The following TMTC2 variants were observed in gnomAD, a reference collection of about 807,000 sequenced individuals.
TMTC2 encodes transmembrane O-mannosyltransferase targeting cadherins 2.
In TMTC2, 43 loss-of-function variants were observed where a neutral mutation model predicts 82.4. The ratio of observed to expected loss-of-function variants is 0.52; its 90% CI spans 0.41 to 0.67. The LOEUF (loss-of-function observed/expected upper bound fraction) is 0.67, where lower values mean the gene tolerates loss of function less well. Among genes scored for constraint, TMTC2 ranks in the 30% least tolerant of loss-of-function variants. The pLI is 0.00. For missense variants in TMTC2, 919 were observed against 1,012.4 expected, an observed-to-expected ratio of 0.91 and a Z score of 1.25; for synonymous variants, 408 against 381.9, an observed-to-expected ratio of 1.07 and a Z score of -0.80.
At chr12:83,072,773 C>T (rs1592729492) in intron 11 of TMTC2, among the ~76,000 whole-genome samples, 1 of 152,144 alleles carries the variant, frequency 6.6e-6, no homozygotes, top group African/African-American at 2.4e-5. Flanking sequence ...TCTCTTTTAA[C>T]TGCTGTTGCT....
Position 83,001,234 on chromosome 12 carries a change from A to G in TMTC2, c.2070+15188A>G, listed in dbSNP as rs183480741. ...AAAATAGGATTTTCTTTTCTATTGCATTGTTAGCTCGCAAATTTTCCAAAC... is the reference window on the plus strand; with the variant it reads ...AAAATAGGATTTTCTTTTCTATTGCGTTGTTAGCTCGCAAATTTTCCAAAC... On this transcript the variant is annotated intron_variant, in intron 8 of 11. Coordinates refer to ENST00000321196, the MANE Select transcript of TMTC2 (RefSeq NM_152588.3). 4.5e-3 allele frequency among the ~76,000 whole-genome samples: 686 copies of G among 152,144 alleles called. 8 individuals carry two copies. The highest frequency in any genetic ancestry group is 0.016 in the African/African-American group (659 of 41,524).
chr12:82,911,653 A>C (rs535036349), intron 3 of TMTC2, among the ~76,000 whole-genome samples: 1 of 151,792 alleles, frequency 6.6e-6, no homozygotes, highest in African/African-American at 2.4e-5. Context: ...CCCAGGCTGG[A>C]GTACAGTGGC....
At chr12:82,779,882 G>C (rs1877806694) in intron 1 of TMTC2, among the ~76,000 whole-genome samples, 1 of 152,114 alleles carries the variant, frequency 6.6e-6, no homozygotes, top group African/African-American at 2.4e-5. Flanking sequence ...CTGGGCAACA[G>C]AGCGAGACTC....
At chr12:82,943,517 C>G (rs1028420738) in intron 4 of TMTC2, among the ~76,000 whole-genome samples, 1 of 152,110 alleles carries the variant, frequency 6.6e-6, no homozygotes, top group African/African-American at 2.4e-5. Flanking sequence ...TTGGAGGTAT[C>G]TTTTTTGTCC....
intron 11 of TMTC2, among the ~76,000 whole-genome samples, chr12:83,099,824 G>A (rs777168203): frequency 1.3e-5 from 2 of 151,782 alleles, no homozygotes; most frequent in Non-Finnish European, 2.9e-5. Context: ...GTAAAGAAGT[G>A]CCATCTGGAA....
chr12:82,987,419 CAAAA>C (rs1236293175), intron 8 of TMTC2, among the ~76,000 whole-genome samples: 1 of 35,576 alleles, frequency 2.8e-5, no homozygotes, highest in Non-Finnish European at 6.1e-5. Flanking sequence ...GACTCCATCT[CAAAA>C]AAAAAAAAAA....
chr12:82,910,727 C>T (rs112791142), intron 3 of TMTC2, among the ~76,000 whole-genome samples: 5 of 152,158 alleles, frequency 3.3e-5, no homozygotes, highest in South Asian at 2.1e-4. Flanking sequence ...ATTGCTCCGG[C>T]CAAACTCTGC....
At chr12:82,842,915 C>T (rs1169209612) in intron 1 of TMTC2, among the ~76,000 whole-genome samples, 1 of 152,106 alleles carries the variant, frequency 6.6e-6, no homozygotes, top group African/African-American at 2.4e-5. Context: ...AAGATCCTAT[C>T]TACAAATACA....
At chr12:82,774,633 A>G (rs553681784) in intron 1 of TMTC2, among the ~76,000 whole-genome samples, 1 of 131,016 alleles carries the variant, frequency 7.6e-6, no homozygotes, top group East Asian at 2.2e-4. Context: ...AAAAAGAACA[A>G]TTTTTTTTTT....
At chr12:83,066,214 C>T (rs1157328759) in intron 11 of TMTC2, among the ~76,000 whole-genome samples, 4 of 151,732 alleles carry the variant, frequency 2.6e-5, no homozygotes, top group Admixed American at 6.6e-5. Flanking sequence ...GTAAGCAAAG[C>T]GCACAGGAGA....
intron 1 of TMTC2, among the ~76,000 whole-genome samples, chr12:82,751,049 A>T (rs1875970484): frequency 2.0e-5 from 3 of 152,134 alleles, no homozygotes; most frequent in Admixed American, 2.0e-4. Flanking sequence ...AATTTCTGGG[A>T]TAATGTTGAA....
chr12:82,847,498 A>G (rs947215120), intron 1 of TMTC2, among the ~76,000 whole-genome samples: 3 of 152,182 alleles, frequency 2.0e-5, no homozygotes, highest in African/African-American at 7.2e-5. Context: ...ATGCACACGT[A>G]TGTTTATTGT....
At chr12:83,024,755 A>G (rs1433233562) in intron 8 of TMTC2, among the ~76,000 whole-genome samples, 2 of 152,216 alleles carry the variant, frequency 1.3e-5, no homozygotes, top group Non-Finnish European at 2.9e-5. Flanking sequence ...CAGAAGAACT[A>G]TTTTTATCAT....
chr12:83,083,385 C>G (rs1043224945), intron 11 of TMTC2, among the ~76,000 whole-genome samples: 2 of 152,156 alleles, frequency 1.3e-5, no homozygotes, highest in African/African-American at 4.8e-5. Context: ...ACTTAAATAC[C>G]TGCTCAAATA....
chr12:82,983,654 A>G (rs1218538778), intron 7 of TMTC2, among the ~76,000 whole-genome samples: 3 of 152,084 alleles, frequency 2.0e-5, no homozygotes, highest in Non-Finnish European at 4.4e-5. Flanking sequence ...TATGAAAAGT[A>G]GAAGCTATAT....
At chr12:82,856,984 A>AT (rs753925973) in intron 1 of TMTC2, 26 bp from the exon 2 acceptor site, 57 of 1,572,440 alleles carry the variant, frequency 3.6e-5, no homozygotes, top group African/African-American at 3.1e-4. Flanking sequence ...TTTACATTTG[A>AT]TTTTTTTTAA....
chr12:82,706,972 G>C (rs774412635), intron 1 of TMTC2, among the ~76,000 whole-genome samples: 1 of 152,060 alleles, frequency 6.6e-6, no homozygotes, highest in Non-Finnish European at 1.5e-5. Context: ...ACTTTCAATT[G>C]GTGCTAAAAC....
chr12:83,108,366 T>C lies in TMTC2; in HGVS notation c.2332-23844T>C, dbSNP rs560736404. ...GCTAGCCACCGAAGTACAGGGAAAA[T>C]TGACATTATAAAACGTGAACTTTAG... On this transcript the variant is annotated intron_variant, in intron 11 of 11. Coordinates refer to ENST00000321196, the MANE Select transcript of TMTC2 (RefSeq NM_152588.3). Among the ~76,000 whole-genome samples the C allele has an allele frequency of 1.1e-4, 16 of 152,130 alleles. No individual in the cohort carries two copies. In the East Asian group the frequency reaches 2.3e-3, roughly 22 times the overall value.
intron 3 of TMTC2, among the ~76,000 whole-genome samples, chr12:82,906,672 A>C (rs1185796455): frequency 6.6e-6 from 1 of 152,154 alleles, no homozygotes; most frequent in African/African-American, 2.4e-5. Context: ...CTGGGGGACA[A>C]GAGCAAGACT....
Sources: allele counts gnomAD v4.1 joint callset (sites outside exome capture counted in the v4.1 genomes callset), GRCh38; gene constraint gnomAD v4.1.1; transcripts MANE v1.5; gene names NCBI Gene and HGNC (gene_info 2026-07-23, HGNC 2026-07-21).